The following DSCAML1 variants were observed in gnomAD, a reference collection of about 807,000 sequenced individuals.
DSCAML1 encodes DS cell adhesion molecule like 1.
Under a neutral mutation model 200.5 loss-of-function variants are expected in DSCAML1, and 38 were observed. That is an observed-to-expected ratio of 0.19 (90% CI 0.15 to 0.25). DSCAML1 has a LOEUF of 0.25. Ranked by LOEUF, DSCAML1 falls within the 10% of genes least tolerant of loss-of-function variation. The pLI is 1.00. For synonymous variants in DSCAML1, 1,215 were observed against 1,165.0 expected (o/e 1.04, Z -0.87); for missense variants, 2,223 against 2,858.8 (o/e 0.78, Z 5.07).
At chr11:117,674,709 G>A (rs549926897) in intron 3 of DSCAML1, among the ~76,000 whole-genome samples, 3 of 152,130 alleles carry the variant, frequency 2.0e-5, no homozygotes, top group Non-Finnish European at 2.9e-5. Context: ...TGGGAGGGCC[G>A]AGTGGTCCAA....
At chr11:117,444,117 G>A (rs929597943) in intron 20 of DSCAML1, 78 bp from the exon 21 acceptor site, 26 of 1,494,196 alleles carry the variant, frequency 1.7e-5, no homozygotes, top group African/African-American at 1.4e-4. Flanking sequence ...AGTGCCCGGG[G>A]CTCAGAGGAG....
intron 3 of DSCAML1, among the ~76,000 whole-genome samples, chr11:117,573,498 G>A (rs1023749266): frequency 3.3e-5 from 5 of 152,126 alleles, no homozygotes; most frequent in Admixed American, 2.0e-4. Flanking sequence ...GGTACCTCGG[G>A]TGCTCCGCCC....
chr11:117,758,604 G>T (rs181477167), intron 3 of DSCAML1, among the ~76,000 whole-genome samples: 3 of 151,890 alleles, frequency 2.0e-5, no homozygotes, highest in African/African-American at 7.3e-5. Context: ...GGGTTTCACC[G>T]TGTTAGCCAG....
intron 3 of DSCAML1, among the ~76,000 whole-genome samples, chr11:117,567,169 G>T (rs1245554094): frequency 1.3e-5 from 2 of 152,192 alleles, no homozygotes; most frequent in Non-Finnish European, 2.9e-5. Context: ...CTTCCACAAT[G>T]GTTGAACTAG....
At chr11:117,549,091 G>A (rs1267555052) in intron 3 of DSCAML1, among the ~76,000 whole-genome samples, 1 of 152,202 alleles carries the variant, frequency 6.6e-6, no homozygotes, top group African/African-American at 2.4e-5. Flanking sequence ...TGGCAGTGGA[G>A]ACCATCCCTC....
chr11:117,470,380 C>T (rs1204349684), intron 15 of DSCAML1, among the ~76,000 whole-genome samples: 1 of 152,062 alleles, frequency 6.6e-6, no homozygotes, highest in African/African-American at 2.4e-5. Flanking sequence ...TCGAGACCAT[C>T]CTGGCTAACA....
At chr11:117,584,015 G>A (rs1490200385) in intron 3 of DSCAML1, among the ~76,000 whole-genome samples, 1 of 152,140 alleles carries the variant, frequency 6.6e-6, no homozygotes, top group East Asian at 1.9e-4. Context: ...ATCTCCTCAC[G>A]GCCAAAGGCC....
At chr11:117,543,816 GT>G (rs754047683) in intron 3 of DSCAML1, among the ~76,000 whole-genome samples, 7 of 149,724 alleles carry the variant, frequency 4.7e-5, no homozygotes, top group African/African-American at 1.7e-4. Flanking sequence ...TTTTTTGTTT[GT>G]TTTGTTTTTT....
rs184455026 is a variant in DSCAML1 at position 117,549,845 on chromosome 11, C to T, written c.512-17323G>A. Among the ~76,000 whole-genome samples, 198 of 152,248 alleles carry T rather than the reference C, an allele frequency of 1.3e-3. 1 individual carries two copies. The highest frequency in any genetic ancestry group is 3.9e-3 in the African/African-American group (164 of 41,554). ...CTTTTTAAGCTTACAGGCTAATCGG[C>T]GTGACTGTATGTACATCAGCCATGC... is the stretch of plus-strand genomic sequence containing the variant. On this transcript the variant is annotated intron_variant, in intron 3 of 32. Transcript: ENST00000651296.
chr11:117,428,921 T>G, intron 32 of DSCAML1, 118 bp from the exon 33 acceptor site: 12 of 885,580 alleles, frequency 1.4e-5, no homozygotes, highest in Non-Finnish European at 2.1e-5. Context: ...TAGGGGCCCC[T>G]CCACTGGGGG....
chr11:117,593,496 C>A (rs1404514885), intron 3 of DSCAML1, among the ~76,000 whole-genome samples: 1 of 152,206 alleles, frequency 6.6e-6, no homozygotes, highest in East Asian at 1.9e-4. Flanking sequence ...TGACAGGCTG[C>A]CTGTCTGCCA....
chr11:117,660,006 G>A (rs1458108912), intron 3 of DSCAML1, among the ~76,000 whole-genome samples: 2 of 152,208 alleles, frequency 1.3e-5, no homozygotes, highest in Non-Finnish European at 2.9e-5. Context: ...TTACAGGCAT[G>A]AGCCACTACA....
chr11:117,802,218 C>T (rs760709530), upstream of DSCAML1, among the ~76,000 whole-genome samples: 1 of 152,152 alleles, frequency 6.6e-6, no homozygotes, highest in Non-Finnish European at 1.5e-5. Context: ...CCCCCTTTTT[C>T]ACCTGTTTAA....
chr11:117,634,549 T>C lies in DSCAML1; in HGVS notation c.512-102027A>G, dbSNP rs554494990. On this transcript the variant is annotated intron_variant, in intron 3 of 32. Coordinates refer to ENST00000651296, the MANE Select transcript of DSCAML1 (RefSeq NM_020693.4). ...GGCGGGCCTGGGGATTTAATTCCAGTTGCTCAGGGCCCTGGAGTAAGCCTG... is the reference window on the plus strand; with the variant it reads ...GGCGGGCCTGGGGATTTAATTCCAGCTGCTCAGGGCCCTGGAGTAAGCCTG... Among the ~76,000 whole-genome samples the C allele has an allele frequency of 2.6e-5, 4 of 152,290 alleles. No homozygotes were observed. In the East Asian group the frequency reaches 7.7e-4, roughly 29 times the overall value.
intron 11 of DSCAML1, among the ~76,000 whole-genome samples, chr11:117,500,848 T>G (rs7942406): frequency 0.6 from 90,662 of 152,032 alleles, 27,880 homozygotes; most frequent in African/African-American, 0.74. Flanking sequence ...TTCTTCTGCT[T>G]GGGCAAAGTG....
At chr11:117,651,403 A>G (rs1169347245) in intron 3 of DSCAML1, among the ~76,000 whole-genome samples, 3 of 152,180 alleles carry the variant, frequency 2.0e-5, no homozygotes, top group Non-Finnish European at 2.9e-5. Flanking sequence ...TCCAGCAAAT[A>G]TAAGAATGAT....
At chr11:117,671,963 C>T (rs1024539906) in intron 3 of DSCAML1, among the ~76,000 whole-genome samples, 2 of 151,836 alleles carry the variant, frequency 1.3e-5, no homozygotes, top group Non-Finnish European at 2.9e-5. Flanking sequence ...TAGCCGGGCG[C>T]GGTGGCAGGT....
intron 3 of DSCAML1, among the ~76,000 whole-genome samples, chr11:117,765,217 G>T (rs918275494): frequency 5.9e-5 from 9 of 152,202 alleles, no homozygotes; most frequent in African/African-American, 2.2e-4. Flanking sequence ...TCTGTGCCTG[G>T]CTCCAACCGG....
At chr11:117,596,462 G>A (rs1312377866) in intron 3 of DSCAML1, among the ~76,000 whole-genome samples, 1 of 151,738 alleles carries the variant, frequency 6.6e-6, no homozygotes, top group Non-Finnish European at 1.5e-5. Context: ...GGAGGAGAGA[G>A]AGAGAAGAGG....
Sources: allele counts gnomAD v4.1 joint callset (sites outside exome capture counted in the v4.1 genomes callset), GRCh38; gene constraint gnomAD v4.1.1; transcripts MANE v1.5; gene names NCBI Gene and HGNC (gene_info 2026-07-23, HGNC 2026-07-21).